Variants in KCNN2 observed in about 807,000 individuals in gnomAD.
The protein encoded by KCNN2 is small conductance calcium-activated potassium channel protein 2.
In KCNN2, 24 loss-of-function variants were observed where a neutral mutation model predicts 55.5. The ratio of observed to expected loss-of-function variants is 0.43; its 90% CI spans 0.31 to 0.61. KCNN2 has a LOEUF of 0.61. Among genes scored for constraint, KCNN2 ranks in the 20% least tolerant of loss-of-function variants. The probability of loss-of-function intolerance (pLI) is 0.08; values close to 1 mark genes in which losing one functional copy is unlikely to be tolerated. For missense variants in KCNN2, 754 were observed against 853.6 expected (o/e 0.88, Z 1.45); for synonymous variants, 431 against 336.1 (o/e 1.28, Z -3.09).
intron 3 of KCNN2, among the ~76,000 whole-genome samples, chr5:114,429,539 C>T (rs1407316481): frequency 2.6e-5 from 4 of 152,008 alleles, no homozygotes; most frequent in Non-Finnish European, 4.4e-5. Context: ...TTCTTTGTAT[C>T]TCTTGGATAC....
chr5:114,221,521 A>T (rs1028319122), exon 2 of KCNN2, among the ~76,000 whole-genome samples: 4 of 152,224 alleles, frequency 2.6e-5, no homozygotes, highest in African/African-American at 9.6e-5. Flanking sequence ...CTCCAGCAAG[A>T]GGAAAAATGA....
chr5:114,436,140 G>T (rs1759996748), intron 3 of KCNN2, among the ~76,000 whole-genome samples: 1 of 152,200 alleles, frequency 6.6e-6, no homozygotes, highest in South Asian at 2.1e-4. Context: ...ATGACACCCT[G>T]TAGGTCATCA....
In KCNN2 at chr5:114,383,302, G is replaced by T. The variant is rs75915241; in HGVS notation, c.1218+19301G>T. ...CTCTCTCATTCATGTAGTATTTGGT[G>T]ATTCTCTCAAATATTAGATGTGGCT... On this transcript the variant is annotated intron_variant, in intron 2 of 7. Transcript: ENST00000673685. Among the ~76,000 whole-genome samples the T allele has an allele frequency of 4.7e-3, 711 of 152,112 alleles. 3 individuals are homozygous for T. The highest frequency in any genetic ancestry group is 0.01 in the Middle Eastern group (3 of 294).
chr5:114,198,449 C>CAT, intron 1 of KCNN2, among the ~76,000 whole-genome samples: 1 of 101,740 alleles, frequency 9.8e-6, no homozygotes, highest in African/African-American at 3.5e-5. Flanking sequence ...TATGTGTTTA[C>CAT]ATATATATAC....
intron 1 of KCNN2, among the ~76,000 whole-genome samples, chr5:114,217,641 T>G (rs1754034246): frequency 6.6e-6 from 1 of 152,120 alleles, no homozygotes. Flanking sequence ...CACGAAAGTA[T>G]AAAACTTGTA....
chr5:114,235,750 C>A (rs1351874102), intron 2 of KCNN2, among the ~76,000 whole-genome samples: 30 of 152,190 alleles, frequency 2.0e-4, no homozygotes, highest in Non-Finnish European at 1.3e-4. Flanking sequence ...CAAAAGTCTT[C>A]TTTTCCTTAC....
intron 2 of KCNN2, among the ~76,000 whole-genome samples, chr5:114,233,109 A>G (rs1754396803): frequency 6.9e-6 from 1 of 145,834 alleles, no homozygotes; most frequent in Admixed American, 6.8e-5. Context: ...TTTAGTAGAG[A>G]CGGGGTTTCA....
intron 2 of KCNN2, among the ~76,000 whole-genome samples, chr5:114,280,329 C>T (rs1755597866): frequency 6.6e-6 from 1 of 152,118 alleles, no homozygotes; most frequent in South Asian, 2.1e-4. Context: ...TCAATTTTGG[C>T]TTTTGTTGCC....
chr5:114,110,399 C>A (rs963477899), intron 1 of KCNN2, among the ~76,000 whole-genome samples: 1 of 151,990 alleles, frequency 6.6e-6, no homozygotes, highest in Non-Finnish European at 1.5e-5. Flanking sequence ...CAGGTGAATC[C>A]TGGAGAACGT....
At chr5:114,279,348 GT>G (rs1212073424) in intron 2 of KCNN2, among the ~76,000 whole-genome samples, 1 of 151,692 alleles carries the variant, frequency 6.6e-6, no homozygotes, top group Non-Finnish European at 1.5e-5. Flanking sequence ...CATGTGCACA[GT>G]GTGCAGGTTT....
At chr5:114,438,775 C>A (rs1257529778) in intron 3 of KCNN2, among the ~76,000 whole-genome samples, 2 of 152,148 alleles carry the variant, frequency 1.3e-5, no homozygotes, top group Admixed American at 1.3e-4. Flanking sequence ...TCTTTAAGTT[C>A]TATTTTCCCC....
intron 1 of KCNN2, among the ~76,000 whole-genome samples, chr5:114,141,336 G>A (rs1752275286): frequency 1.3e-5 from 2 of 151,796 alleles, no homozygotes; most frequent in South Asian, 4.1e-4. Context: ...GTGTCCATGT[G>A]TTCTCATTGT....
chr5:114,207,135 G>A (rs1398575136), intron 1 of KCNN2, among the ~76,000 whole-genome samples: 1 of 152,112 alleles, frequency 6.6e-6, no homozygotes, highest in African/African-American at 2.4e-5. Context: ...TCTTTGTGAT[G>A]AACTCCCTAA....
chr5:114,067,426 A>G (rs1750475239), intron 1 of KCNN2, among the ~76,000 whole-genome samples: 1 of 152,218 alleles, frequency 6.6e-6, no homozygotes, highest in Admixed American at 6.5e-5. Context: ...GTAGTATGAG[A>G]TAATTCCTTT....
intron 2 of KCNN2, among the ~76,000 whole-genome samples, chr5:114,310,394 C>T (rs984908898): frequency 6.6e-6 from 1 of 152,104 alleles, no homozygotes; most frequent in African/African-American, 2.4e-5. Context: ...AGAAGTAATA[C>T]ATTTAATTTC....
chr5:114,472,401 A>G (rs1458672690), intron 4 of KCNN2, among the ~76,000 whole-genome samples: 2 of 152,202 alleles, frequency 1.3e-5, no homozygotes, highest in Non-Finnish European at 2.9e-5. Context: ...CAAAATGAAG[A>G]TGACCCGTGC....
At chr5:114,487,653 T>C (rs1213902259) in intron 6 of KCNN2, among the ~76,000 whole-genome samples, 8 of 152,218 alleles carry the variant, frequency 5.3e-5, no homozygotes, top group African/African-American at 1.9e-4. Flanking sequence ...CTTATCATTA[T>C]TTTAACTTTA....
chr5:114,432,874 C>A (rs1279519674), intron 3 of KCNN2, among the ~76,000 whole-genome samples: 1 of 152,234 alleles, frequency 6.6e-6, no homozygotes, highest in Non-Finnish European at 1.5e-5. Flanking sequence ...GCCAGCTCAC[C>A]AGCGCTGCGC....
chr5:114,329,954 C>G (rs532440776), intron 2 of KCNN2, among the ~76,000 whole-genome samples: 2 of 152,240 alleles, frequency 1.3e-5, no homozygotes, highest in South Asian at 4.1e-4. Flanking sequence ...AGGCCACAAC[C>G]CTGAGCCCCC....
Sources: gnomAD v4.1 joint callset for allele counts (sites outside exome capture counted in the v4.1 genomes callset) on GRCh38, gnomAD v4.1.1 for gene constraint, MANE v1.5 for transcripts, NCBI Gene and HGNC (gene_info 2026-07-23, HGNC 2026-07-21) for gene names.